Variants in MYOM1 observed in about 807,000 individuals in gnomAD.
MYOM1 encodes myomesin 1.
A neutral mutation model predicts 205.3 loss-of-function variants in MYOM1; 164 were observed. That is an observed-to-expected ratio of 0.80 (90% CI 0.70 to 0.91). MYOM1 has a LOEUF of 0.91. MYOM1 is among the 40% of genes least tolerant of loss of function. The pLI, the probability that MYOM1 is intolerant of heterozygous loss-of-function variation, is 0.00. For missense variants in MYOM1, 2,011 were observed against 2,127.3 expected (o/e 0.95, Z 1.08); for synonymous variants, 772 against 789.4 (o/e 0.98, Z 0.37).
chr18:3,236,577 G>A, the MYOM1 span: 2 of 152,264 alleles, frequency 1.3e-5, no homozygotes, highest in Non-Finnish European at 2.9e-5. Flanking sequence ...TTAAAGGATG[G>A]AGAAGACAAA....
intron 21 of MYOM1, 130 bp from the exon 22 acceptor site, chr18:3,112,542 G>A: frequency 1.7e-6 from 1 of 578,172 alleles, no homozygotes; most frequent in Non-Finnish European, 2.8e-6. Context: ...CAAGACTTGT[G>A]GTCTAGATTT....
chr18:3,195,281 G>A (rs908569519), intron 2 of MYOM1, among the ~76,000 whole-genome samples: 2 of 152,172 alleles, frequency 1.3e-5, no homozygotes, highest in African/African-American at 4.8e-5. Flanking sequence ...ACCTCCCCCA[G>A]TGGGGAATAT....
intron 13 of MYOM1, among the ~76,000 whole-genome samples, chr18:3,143,612 T>G (rs1226698992): frequency 2.0e-5 from 3 of 152,116 alleles, no homozygotes; most frequent in Non-Finnish European, 2.9e-5. Context: ...GGAATAATAC[T>G]GTTGCAGGAC....
intron 36 of MYOM1, among the ~76,000 whole-genome samples, chr18:3,074,235 G>A (rs2078995226): frequency 6.6e-6 from 1 of 152,180 alleles, no homozygotes; most frequent in African/African-American, 2.4e-5. Context: ...CCCAGTACCA[G>A]CCTCTGTCCC....
the MYOM1 span, among the ~76,000 whole-genome samples, chr18:3,227,484 C>G: frequency 6.6e-6 from 1 of 152,124 alleles, no homozygotes; most frequent in East Asian, 1.9e-4. Context: ...AGGAGTATAG[C>G]TTAATGGGTA....
At chr18:3,096,009 G>A (rs1475167609) in intron 25 of MYOM1, among the ~76,000 whole-genome samples, 1 of 152,150 alleles carries the variant, frequency 6.6e-6, no homozygotes, top group Non-Finnish European at 1.5e-5. Flanking sequence ...GAGTGATGAG[G>A]GAGGAGGAGG....
At chr18:3,082,304 T>C (rs2079093477) in intron 33 of MYOM1, among the ~76,000 whole-genome samples, 1 of 152,164 alleles carries the variant, frequency 6.6e-6, no homozygotes, top group Non-Finnish European at 1.5e-5. Flanking sequence ...GGTAGTACCA[T>C]GATGAACCGG....
chr18:3,114,159 C>T (rs918564407), intron 21 of MYOM1, among the ~76,000 whole-genome samples: 4 of 152,162 alleles, frequency 2.6e-5, no homozygotes, highest in Non-Finnish European at 5.9e-5. Context: ...ATAGAGTAAT[C>T]GCCAGGTACC....
rs5822743 is a variant in MYOM1, at chr18:3,198,073, C to CA, written c.291-4116dup. Among the ~76,000 whole-genome samples the CA allele has an allele frequency of 7.6e-4, 115 of 150,504 alleles. 1 individual carries two copies. Among genetic ancestry groups the CA allele is most frequent in the South Asian group, 1.1e-3 (5 of 4,738 alleles). The stretch of plus-strand genomic sequence containing the variant: ...ATCAGTTACAGCTAAAAATAAAGCA[C>CA]AAAAAAAAACTCATTAAACTGAACA... On this transcript the variant is annotated intron_variant, in intron 2 of 37. Transcript: ENST00000356443.
At chr18:3,225,256 G>A in the MYOM1 span, among the ~76,000 whole-genome samples, 1 of 152,060 alleles carries the variant, frequency 6.6e-6, no homozygotes, top group Non-Finnish European at 1.5e-5. Context: ...CAAAGTGCCG[G>A]GATTACAGGC....
chr18:3,184,251 C>T (rs2080779337), intron 5 of MYOM1, among the ~76,000 whole-genome samples: 2 of 152,146 alleles, frequency 1.3e-5, no homozygotes, highest in South Asian at 4.1e-4. Flanking sequence ...TATACTAATC[C>T]TATCCAGAAG....
chr18:3,246,629 A>T, the MYOM1 span: 6 of 152,210 alleles, frequency 3.9e-5, no homozygotes, highest in African/African-American at 1.4e-4. Flanking sequence ...GAATACTTAG[A>T]AGATACTATT....
rs35188311 is a variant in MYOM1, at chr18:3,174,078, A to AACAC, written c.1111+38_1111+41dup. On this transcript the variant is annotated intron_variant, in intron 7 of 37. Coordinates refer to ENST00000356443, the MANE Select transcript of MYOM1 (RefSeq NM_003803.4). ...AAAACCATGGGAAGAAATTTTTAAA[A>AACAC]ACACACACACACTTTGAAGAAAACA... The AACAC allele has an allele frequency of 5.1e-5, 82 of 1,601,898 alleles. No individual in the cohort carries two copies. The Middle Eastern group carries it at 2.3e-3, about 45-fold the overall frequency.
rs1310903604 is a variant in MYOM1, at chr18:3,179,372, T to A, written c.930-3238A>T. 3.9e-5 allele frequency among the ~76,000 whole-genome samples: 6 copies of A among 152,156 alleles called. No individual in the cohort carries two copies. Among genetic ancestry groups the A allele is most frequent in the African/African-American group, 1.4e-4 (6 of 41,430 alleles). ...TATGGATGATTTTATTTTAAATAAA[T>A]AGCGATGAGGTCTCACTATGTTGCT... On this transcript the variant is annotated intron_variant, in intron 5 of 37. Coordinates refer to ENST00000356443, the MANE Select transcript of MYOM1 (RefSeq NM_003803.4). This position sits in a 1 kb window ranked among gnomAD's most constrained non-coding sequence, Gnocchi z 4.4.
the MYOM1 span, among the ~76,000 whole-genome samples, chr18:3,241,911 C>T: frequency 9.1e-4 from 138 of 152,266 alleles, 2 homozygotes; most frequent in Admixed American, 2.7e-3. Flanking sequence ...GATTTGACTG[C>T]CCTGCTGGAT....
rs568716182 is a variant in MYOM1 at position 3,193,355 on chromosome 18, T to TAC, written c.431+462_431+463insGT. On this transcript the variant is annotated intron_variant, in intron 3 of 37. Coordinates refer to ENST00000356443, the MANE Select transcript of MYOM1 (RefSeq NM_003803.4). ...ATATATATGTACATATACATATATA[T>TAC]ATATATACACACACACACACACACA... 2.8e-3 allele frequency among the ~76,000 whole-genome samples: 279 copies of TAC among 99,786 alleles called. 2 individuals carry two copies. The highest frequency in any genetic ancestry group is 8.0e-3 in the African/African-American group (229 of 28,684). 65.5% of individuals were successfully genotyped at this position (99,786 alleles called of 152,430 possible). A position where few individuals can be genotyped will look rare whatever the true frequency, so the allele number is the denominator to read the frequency against.
At chr18:3,084,163 G>T in intron 31 of MYOM1, 136 bp from the exon 32 acceptor site, 1 of 821,022 alleles carries the variant, frequency 1.2e-6, no homozygotes, top group Non-Finnish European at 2.0e-6. Flanking sequence ...TCGACCCACT[G>T]ATAATGAGTA....
intron 17 of MYOM1, 150 bp from the exon 18 acceptor site, chr18:3,129,669 T>C: frequency 1.4e-6 from 1 of 724,304 alleles, no homozygotes; most frequent in Non-Finnish European, 2.1e-6. Context: ...TTGCAAGAAA[T>C]ATGGAAAGAC....
At chr18:3,187,993 C>A (rs1269292862) in intron 4 of MYOM1, among the ~76,000 whole-genome samples, 1 of 151,608 alleles carries the variant, frequency 6.6e-6, no homozygotes, top group Non-Finnish European at 1.5e-5. Context: ...CATGCACCAC[C>A]ATGCCTGGCT....
Sources: allele counts gnomAD v4.1 joint callset (sites outside exome capture counted in the v4.1 genomes callset), GRCh38; gene constraint gnomAD v4.1.1; non-coding constraint Gnocchi (gnomAD v3.1); transcripts MANE v1.5; gene names NCBI Gene and HGNC (gene_info 2026-07-23, HGNC 2026-07-21).